Variants in RAB11FIP4 observed in about 807,000 individuals in gnomAD.
The protein encoded by RAB11FIP4 is rab11 family-interacting protein 4.
RAB11FIP4 carries 23 observed loss-of-function variants against 74.3 expected under a neutral mutation model. The ratio of observed to expected loss-of-function variants is 0.31; its 90% CI spans 0.22 to 0.44. The LOEUF is 0.44. RAB11FIP4 is among the 20% of genes least tolerant of loss of function. The pLI, the probability that RAB11FIP4 is intolerant of heterozygous loss-of-function variation, is 1.00. For missense variants in RAB11FIP4, 630 were observed against 863.9 expected (o/e 0.73, Z 3.39); for synonymous variants, 360 against 359.9 (o/e 1.00, Z 0.00).
At chr17:31,417,258 C>G (rs1432502654) in intron 1 of RAB11FIP4, among the ~76,000 whole-genome samples, 1 of 152,156 alleles carries the variant, frequency 6.6e-6, no homozygotes, top group Non-Finnish European at 1.5e-5. Context: ...GAGCAAGGAT[C>G]TGGCCCCAGC....
chr17:31,534,656 C>T lies in RAB11FIP4; in HGVS notation c.*2924C>T, dbSNP rs2072928597. 6.6e-6 allele frequency: 1 copy of T among 152,204 alleles called. No homozygotes were observed. The highest frequency in any genetic ancestry group is 1.5e-5 in the Non-Finnish European group (1 of 68,062). 9.4% of individuals were successfully genotyped at this position (152,204 alleles called of 1,614,324 possible). A position where few individuals can be genotyped will look rare whatever the true frequency, so the allele number is the denominator to read the frequency against. On this transcript the variant is annotated 3_prime_UTR_variant, in exon 15 of 15. Transcript: ENST00000621161. The stretch of plus-strand genomic sequence containing the variant: ...TTGATTGTTGTGGGTGTAGCCCAGG[C>T]ATGGGATTTTTTAAAGAGCTGCTCA...
intron 13 of RAB11FIP4, 32 bp downstream of exon 13, chr17:31,528,810 C>T (rs774115250): frequency 1.9e-6 from 3 of 1,587,036 alleles, no homozygotes; most frequent in Non-Finnish European, 2.6e-6. Context: ...TCCAGTGGGG[C>T]AGGGTGGCCG....
intron 8 of RAB11FIP4, 120 bp downstream of exon 8, chr17:31,523,731 C>T: frequency 8.9e-7 from 1 of 1,118,776 alleles, no homozygotes; most frequent in Non-Finnish European, 1.4e-6. Context: ...GAATTGGGGG[C>T]AGGTGGCCCT....
In RAB11FIP4 at chr17:31,475,676, C is replaced by T. The variant is rs142225913; in HGVS notation, c.336+41554C>T. On this transcript the variant is annotated intron_variant, in intron 3 of 14. Coordinates refer to ENST00000621161, the MANE Select transcript of RAB11FIP4 (RefSeq NM_032932.6). ...GGTGGTGAAGATGTGAGTTGCCCAA[C>T]GTGCATGTTCCCAGCTGAGGTCAAA... Among the ~76,000 whole-genome samples the T allele has an allele frequency of 2.8e-3, 429 of 152,296 alleles. 3 individuals carry two copies. Among genetic ancestry groups the T allele is most frequent in the African/African-American group, 9.6e-3 (400 of 41,560 alleles).
intron 3 of RAB11FIP4, among the ~76,000 whole-genome samples, chr17:31,447,317 A>G (rs2071477050): frequency 6.6e-6 from 1 of 151,868 alleles, no homozygotes; most frequent in Non-Finnish European, 1.5e-5. Context: ...GACAAAAATT[A>G]GCTGGGCTTG....
chr17:31,437,259 G>A (rs1326625568), intron 3 of RAB11FIP4, among the ~76,000 whole-genome samples: 1 of 152,144 alleles, frequency 6.6e-6, no homozygotes, highest in South Asian at 2.1e-4. Context: ...AGAGGAAGGG[G>A]GCACAATCCG....
chr17:31,433,122 G>GC (rs1471057328), intron 2 of RAB11FIP4, among the ~76,000 whole-genome samples: 1 of 152,142 alleles, frequency 6.6e-6, no homozygotes, highest in Non-Finnish European at 1.5e-5. Flanking sequence ...CTCCAGCCTG[G>GC]GTAACAGAGT....
intron 3 of RAB11FIP4, among the ~76,000 whole-genome samples, chr17:31,448,258 A>G (rs879002944): frequency 2.6e-5 from 4 of 151,290 alleles, no homozygotes; most frequent in African/African-American, 9.7e-5. Flanking sequence ...CTTTTTTTTA[A>G]GAAACAAAGT....
intron 1 of RAB11FIP4, among the ~76,000 whole-genome samples, chr17:31,419,955 G>T (rs187686560): frequency 9.5e-4 from 145 of 152,320 alleles, no homozygotes; most frequent in Middle Eastern, 6.8e-3. Flanking sequence ...TCTGGAAGAG[G>T]TAGTGTAGAA....
At chr17:31,394,745 A>C (rs2070911328) in intron 1 of RAB11FIP4, among the ~76,000 whole-genome samples, 1 of 152,164 alleles carries the variant, frequency 6.6e-6, no homozygotes, top group East Asian at 1.9e-4. Context: ...GTCTGAATCC[A>C]CAAGGCTGGT....
chr17:31,523,288 G>T, intron 7 of RAB11FIP4: 1 of 583,076 alleles, frequency 1.7e-6, no homozygotes, highest in South Asian at 2.0e-5. Context: ...GTCATTGGCT[G>T]TGTCTGCCAG....
intron 1 of RAB11FIP4, among the ~76,000 whole-genome samples, chr17:31,410,385 G>A (rs2071082075): frequency 6.6e-6 from 1 of 152,096 alleles, no homozygotes; most frequent in South Asian, 2.1e-4. Context: ...CAGATACAGG[G>A]GTAAATTGAA....
rs574675348 is a variant in RAB11FIP4, at chr17:31,394,491, A to G, written c.159+2480A>G. Among the ~76,000 whole-genome samples, 12 of 152,134 alleles carry G rather than the reference A, an allele frequency of 7.9e-5. No individual in the cohort carries two copies. In the South Asian group the frequency reaches 1.7e-3, roughly 21 times the overall value. On this transcript the variant is annotated intron_variant, in intron 1 of 14. Coordinates refer to ENST00000621161, the MANE Select transcript of RAB11FIP4 (RefSeq NM_032932.6). Reference sequence around the variant, plus strand: ...CCTTTTAGTCTCTCTTACTGTACACAATTCCTTTTTCTTTTCTTTTCTTTT... The same window carrying G: ...CCTTTTAGTCTCTCTTACTGTACACGATTCCTTTTTCTTTTCTTTTCTTTT...
intron 3 of RAB11FIP4, among the ~76,000 whole-genome samples, chr17:31,435,987 C>A (rs920060907): frequency 6.6e-6 from 1 of 152,218 alleles, no homozygotes; most frequent in African/African-American, 2.4e-5. Flanking sequence ...GTATTTGGGG[C>A]CAGCTAATGG....
At position 31,460,450 on chromosome 17, in the gene RAB11FIP4, T is replaced by C. The variant is rs1035239544; in HGVS notation, c.336+26328T>C. 2.6e-5 allele frequency among the ~76,000 whole-genome samples: 4 copies of C among 152,188 alleles called. No individual in the cohort carries two copies. The East Asian group carries it at 7.7e-4, about 29-fold the overall frequency. On this transcript the variant is annotated intron_variant, in intron 3 of 14. Transcript: ENST00000621161. ...GTTTTCTTTGCCTGTTAAATGGGCATGACCCTAATGTACTCCTCAGTCTTG... is the reference window on the plus strand; with the variant it reads ...GTTTTCTTTGCCTGTTAAATGGGCACGACCCTAATGTACTCCTCAGTCTTG...
At chr17:31,459,046 G>A (rs1032366480) in intron 3 of RAB11FIP4, among the ~76,000 whole-genome samples, 2 of 152,122 alleles carry the variant, frequency 1.3e-5, no homozygotes, top group Non-Finnish European at 2.9e-5. Context: ...AGCTGAACAT[G>A]GTAGTCCTGA....
intron 3 of RAB11FIP4, among the ~76,000 whole-genome samples, chr17:31,486,749 A>G (rs2071907393): frequency 6.6e-6 from 1 of 152,228 alleles, no homozygotes; most frequent in African/African-American, 2.4e-5. Context: ...CCACAGCTCT[A>G]GCTCCTCTCT....
rs556623394 is a variant in RAB11FIP4, at chr17:31,413,545, G to A, written c.160-18268G>A. ...CCTCAGACCCTTCGAGCACCTCTAC[G>A]GCCTGGCCTTGGCTACCCTCTCCCT... On this transcript the variant is annotated intron_variant, in intron 1 of 14. Coordinates refer to ENST00000621161, the MANE Select transcript of RAB11FIP4 (RefSeq NM_032932.6). Among the ~76,000 whole-genome samples the A allele has an allele frequency of 1.8e-3, 247 of 140,604 alleles. 1 individual carries two copies. Among genetic ancestry groups the A allele is most frequent in the South Asian group, 4.5e-3 (20 of 4,494 alleles). 92.2% of individuals were successfully genotyped at this position (140,604 alleles called of 152,430 possible). A position where few individuals can be genotyped will look rare whatever the true frequency, so the allele number is the denominator to read the frequency against.
rs1440244825 is a variant in RAB11FIP4, at chr17:31,500,516, G to A, written c.337-17135G>A. The stretch of plus-strand genomic sequence containing the variant: ...CCTGACCCAGGATAAAAGGCTCCTT[G>A]TGTGAGGGCCTGTGGCTCCAGGGCT... On this transcript the variant is annotated intron_variant, in intron 3 of 14. Transcript: ENST00000621161. 2.0e-5 allele frequency among the ~76,000 whole-genome samples: 3 copies of A among 152,238 alleles called. No homozygotes were observed. In the East Asian group the frequency reaches 5.8e-4, roughly 29 times the overall value.
Sources: allele counts gnomAD v4.1 joint callset (sites outside exome capture counted in the v4.1 genomes callset), GRCh38; gene constraint gnomAD v4.1.1; transcripts MANE v1.5; gene names NCBI Gene and HGNC (gene_info 2026-07-23, HGNC 2026-07-21).